PRKD1: variants seen among roughly 807,000 people sequenced by gnomAD.
The protein encoded by PRKD1 is serine/threonine-protein kinase D1.
Under a neutral mutation model 95.9 loss-of-function variants are expected in PRKD1, and 63 were observed. The observed-to-expected ratio is 0.66, with a 90% CI of 0.54 to 0.81. The LOEUF is 0.81. PRKD1 is among the 30% of genes least tolerant of loss of function. The pLI is 0.00. For synonymous variants in PRKD1, 425 were observed against 423.1 expected (o/e 1.00, Z -0.05); for missense variants, 1,048 against 1,165.3 (o/e 0.90, Z 1.47).
At chr14:29,709,161 A>C (rs560435941) in intron 2 of PRKD1, among the ~76,000 whole-genome samples, 2 of 152,194 alleles carry the variant, frequency 1.3e-5, no homozygotes, top group Non-Finnish European at 2.9e-5. Flanking sequence ...CCATAAAGTT[A>C]GCTTACTCAG....
chr14:29,919,092 G>A (rs1894992694), intron 1 of PRKD1, among the ~76,000 whole-genome samples: 1 of 152,170 alleles, frequency 6.6e-6, no homozygotes, highest in Admixed American at 6.5e-5. Context: ...TCAATCAGTG[G>A]TTTAGTCAGA....
At chr14:29,888,106 T>A (rs1334511317) in intron 1 of PRKD1, among the ~76,000 whole-genome samples, 3 of 151,972 alleles carry the variant, frequency 2.0e-5, no homozygotes, top group Non-Finnish European at 4.4e-5. Context: ...TTTGAGACCA[T>A]CCTGGAAAAC....
chr14:29,830,755 T>C (rs1891375466), intron 1 of PRKD1, among the ~76,000 whole-genome samples: 1 of 151,988 alleles, frequency 6.6e-6, no homozygotes, highest in Non-Finnish European at 1.5e-5. Flanking sequence ...TGTAGTGGCA[T>C]GATCACGGCT....
chr14:29,839,904 G>GC, intron 1 of PRKD1, among the ~76,000 whole-genome samples: 1 of 152,146 alleles, frequency 6.6e-6, no homozygotes, highest in Admixed American at 6.5e-5. Flanking sequence ...CCTTGGACCA[G>GC]CCCACAAAAC....
chr14:29,920,712 G>A (rs1186776299), intron 1 of PRKD1, among the ~76,000 whole-genome samples: 2 of 151,824 alleles, frequency 1.3e-5, no homozygotes, highest in African/African-American at 4.8e-5. Context: ...TTTTATAATG[G>A]GGCATGGACT....
intron 2 of PRKD1, among the ~76,000 whole-genome samples, chr14:29,707,293 C>A (rs1885138393): frequency 6.6e-6 from 1 of 152,032 alleles, no homozygotes; most frequent in Non-Finnish European, 1.5e-5. Context: ...GCAAGGAAAC[C>A]AACAAGGAAA....
At chr14:29,923,757 C>T (rs1369520959) in intron 1 of PRKD1, among the ~76,000 whole-genome samples, 1 of 121,030 alleles carries the variant, frequency 8.3e-6, no homozygotes, top group Non-Finnish European at 1.7e-5. Context: ...CCAAAATGAA[C>T]AATCATATTA....
At chr14:29,620,341 C>A (rs1408555805) in intron 13 of PRKD1, among the ~76,000 whole-genome samples, 58 of 150,564 alleles carry the variant, frequency 3.9e-4, no homozygotes, top group Admixed American at 9.9e-4. Flanking sequence ...TAATTAAACT[C>A]AAGAGCTTCT....
At chr14:29,720,212 G>A (rs1304443461) in intron 2 of PRKD1, among the ~76,000 whole-genome samples, 2 of 152,156 alleles carry the variant, frequency 1.3e-5, no homozygotes, top group Non-Finnish European at 2.9e-5. Flanking sequence ...TTTAATTTAT[G>A]TAAACACCTT....
At chr14:29,587,601 ATT>A (rs1458781086) in intron 16 of PRKD1, among the ~76,000 whole-genome samples, 1 of 152,210 alleles carries the variant, frequency 6.6e-6, no homozygotes, top group African/African-American at 2.4e-5. Flanking sequence ...TATAAATATC[ATT>A]TGTTAGAGAA....
At chr14:29,795,593 A>C (rs972340513) in intron 1 of PRKD1, among the ~76,000 whole-genome samples, 1 of 152,182 alleles carries the variant, frequency 6.6e-6, no homozygotes, top group African/African-American at 2.4e-5. Flanking sequence ...GAAATGAATC[A>C]GTCTGAAATT....
At chr14:29,796,065 C>T (rs1332027044) in intron 1 of PRKD1, among the ~76,000 whole-genome samples, 3 of 152,104 alleles carry the variant, frequency 2.0e-5, no homozygotes, top group Admixed American at 2.0e-4. Flanking sequence ...TAACACTCTT[C>T]TAAACAAGCA....
chr14:29,726,554 TAAG>T (rs1168666035), intron 1 of PRKD1, among the ~76,000 whole-genome samples: 1 of 152,148 alleles, frequency 6.6e-6, no homozygotes, highest in Admixed American at 6.5e-5. Context: ...AGGTGGACCT[TAAG>T]AAGCTACTGT....
In PRKD1 at chr14:29,742,189, A is replaced by T. The variant is rs540588004; in HGVS notation, c.265-16515T>A. Among the ~76,000 whole-genome samples the T allele has an allele frequency of 2.8e-4, 42 of 152,298 alleles. 1 individual carries two copies. Among genetic ancestry groups the T allele is most frequent in the Middle Eastern group, 3.4e-3 (1 of 294 alleles). On this transcript the variant is annotated intron_variant, in intron 1 of 17. Coordinates refer to ENST00000331968, the MANE Select transcript of PRKD1 (RefSeq NM_002742.3). The stretch of plus-strand genomic sequence containing the variant: ...GAAAGAATTTCTTCTCCCCTTGTAA[A>T]ATGCTGTACGGCTTCTGGAAAAAAA...
At chr14:29,896,201 A>G (rs186974844) in intron 1 of PRKD1, among the ~76,000 whole-genome samples, 1 of 152,318 alleles carries the variant, frequency 6.6e-6, no homozygotes, top group East Asian at 1.9e-4. Context: ...CATTATTTAG[A>G]TGAGAAAAGA....
At chr14:29,809,651 G>C (rs1329439144) in intron 1 of PRKD1, among the ~76,000 whole-genome samples, 1 of 152,152 alleles carries the variant, frequency 6.6e-6, no homozygotes, top group Non-Finnish European at 1.5e-5. Flanking sequence ...ACCTCTCTCA[G>C]CATTCACAGA....
rs1880369153 is a variant in PRKD1 at position 29,636,327 on chromosome 14, G to T, written c.1153C>A (p.Pro385Thr). The T allele has an allele frequency of 2.5e-6, 4 of 1,614,196 alleles. No homozygotes were observed. The highest frequency in any genetic ancestry group is 3.4e-6 in the Non-Finnish European group (4 of 1,180,032). ...TTGGCGTCCTCGTGGTCTGGGTCTGGATCTTGCATCTCGCCACTGTCGTTC... is the reference window on the plus strand; with the variant it reads ...TTGGCGTCCTCGTGGTCTGGGTCTGTATCTTGCATCTCGCCACTGTCGTTC... ...CQNDSGEMQD[P>T]DPDHEDANRT... Residue 385 changes from proline to threonine, a missense_variant, in exon 7 of 18, where the codon CCA becomes ACA. This residue lies in a region of PRKD1 where 739 missense variants were observed against 861.9 expected (regional missense o/e 0.86). Coordinates refer to ENST00000331968, the MANE Select transcript of PRKD1 (RefSeq NM_002742.3).
chr14:29,662,577 T>C (rs1207907315), intron 4 of PRKD1, among the ~76,000 whole-genome samples: 1 of 152,106 alleles, frequency 6.6e-6, no homozygotes, highest in Non-Finnish European at 1.5e-5. Flanking sequence ...AAGAGAGCCT[T>C]ATAAAAGAGT....
At position 29,770,930 on chromosome 14, in the gene PRKD1, C is replaced by CAA. The variant is rs753745571; in HGVS notation, c.265-45258_265-45257dup. Among the ~76,000 whole-genome samples, 138 of 47,014 alleles carry CAA rather than the reference C, an allele frequency of 2.9e-3. 2 individuals are homozygous for CAA. Among genetic ancestry groups the CAA allele is most frequent in the African/African-American group, 5.8e-3 (97 of 16,610 alleles). The allele number at this position is 47,014 out of a possible 152,430, so 30.8% of individuals were successfully genotyped here. On this transcript the variant is annotated intron_variant, in intron 1 of 17. Coordinates refer to ENST00000331968, the MANE Select transcript of PRKD1 (RefSeq NM_002742.3). The stretch of plus-strand genomic sequence containing the variant: ...CTGAGTGATAGAGTGAGACACTGTC[C>CAA]AAAAAAAAAAAAAAAAAAAAAGGAA...
Sources: allele counts gnomAD v4.1 joint callset (sites outside exome capture counted in the v4.1 genomes callset), GRCh38; gene constraint gnomAD v4.1.1; regional missense constraint gnomAD v4.1.1; transcripts MANE v1.5; gene names NCBI Gene and HGNC (gene_info 2026-07-23, HGNC 2026-07-21).